SCNN1B: variants seen among roughly 807,000 people sequenced by gnomAD.
SCNN1B encodes the protein epithelial sodium channel subunit beta.
In SCNN1B, 46 loss-of-function variants were observed where a neutral mutation model predicts 65.3. The observed-to-expected ratio is 0.70, with a 90% CI of 0.56 to 0.90. The LOEUF (loss-of-function observed/expected upper bound fraction) is 0.90. Among genes scored for constraint, SCNN1B ranks in the 40% least tolerant of loss-of-function variants. The pLI, the probability that SCNN1B is intolerant of heterozygous loss-of-function variation, is 0.00. For synonymous variants in SCNN1B, 349 were observed against 330.6 expected (o/e 1.06, Z -0.60); for missense variants, 751 against 830.5 (o/e 0.90, Z 1.18).
intron 1 of SCNN1B, among the ~76,000 whole-genome samples, chr16:23,345,814 C>T (rs1439766695): frequency 3.9e-5 from 6 of 152,164 alleles, no homozygotes; most frequent in Non-Finnish European, 8.8e-5. Flanking sequence ...CAGCATGGTG[C>T]CCCCAGAAGG....
In SCNN1B at chr16:23,371,815, A is replaced by T. The variant is rs770754286; in HGVS notation, c.1084A>T (p.Thr362Ser). 2 of 1,614,236 alleles carry T rather than the reference A, an allele frequency of 1.2e-6. No homozygotes were observed. Among genetic ancestry groups the T allele is most frequent in the Non-Finnish European group, 1.7e-6 (2 of 1,180,018 alleles). ...QRMGEPYSPC[T>S]VNGSEVPVQN... The stretch of plus-strand genomic sequence containing the variant: ...CATGGGGGAGCCCTACAGCCCGTGC[A>T]CCGTGAATGGTTCTGAGGTCCCCGT... Residue 362 changes from threonine (T) to serine (S), a missense_variant, in exon 7 of 13, where the codon ACC (threonine) becomes TCC (serine). Transcript: ENST00000343070.
intron 1 of SCNN1B, among the ~76,000 whole-genome samples, chr16:23,318,760 C>T (rs541166866): frequency 1.3e-5 from 2 of 152,184 alleles, no homozygotes; most frequent in Non-Finnish European, 2.9e-5. Flanking sequence ...TCACTAAGGG[C>T]CAACGAAATT....
rs72654355 is a variant in SCNN1B, at chr16:23,380,628, G to A, written c.1750G>A (p.Ala584Thr). The A allele has an allele frequency of 2.3e-5, 37 of 1,613,642 alleles. No homozygotes were observed. The African/African-American group carries it at 4.1e-4, about 18-fold the overall frequency. ...PPPTVAELVE[A>T]HTNFGFQPDT... ...GCCCACCGTGGCCGAGCTGGTGGAGGCCCACACCAACTTTGGCTTCCAGCC... is the reference window on the plus strand; with the variant it reads ...GCCCACCGTGGCCGAGCTGGTGGAGACCCACACCAACTTTGGCTTCCAGCC... Residue 584 changes from alanine (A) to threonine (T), a missense_variant, in exon 13 of 13, where the codon GCC becomes ACC. Physicochemically the swap from Ala to Thr is moderately conservative, Grantham distance 58. Transcript: ENST00000343070. This position sits in a 1 kb window ranked among gnomAD's most constrained non-coding sequence, Gnocchi z 5.4.
intron 2 of SCNN1B, among the ~76,000 whole-genome samples, chr16:23,351,483 C>T (rs181677639): frequency 6.6e-6 from 1 of 152,316 alleles, no homozygotes. Flanking sequence ...CGCCACCCTT[C>T]CCCATCCTCC....
At chr16:23,334,365 T>C (rs1430033323) in intron 1 of SCNN1B, among the ~76,000 whole-genome samples, 3 of 152,228 alleles carry the variant, frequency 2.0e-5, no homozygotes, top group Admixed American at 1.3e-4. Flanking sequence ...AAACCAGTGC[T>C]TTCCAGCCTT....
intron 2 of SCNN1B, among the ~76,000 whole-genome samples, chr16:23,284,479 C>T (rs535891673): frequency 6.6e-6 from 1 of 152,234 alleles, no homozygotes; most frequent in South Asian, 2.1e-4. Flanking sequence ...TAAGATCAAA[C>T]AGGTCAACAA....
At chr16:23,301,950 C>T (rs1961092464), upstream of SCNN1B, among the ~76,000 whole-genome samples, 1 of 152,088 alleles carries the variant, frequency 6.6e-6, no homozygotes, top group South Asian at 2.1e-4. Flanking sequence ...GATGCTTCGC[C>T]TAGGTGAACG....
intron 2 of SCNN1B, among the ~76,000 whole-genome samples, chr16:23,286,485 G>A (rs1272073797): frequency 6.6e-6 from 1 of 152,254 alleles, no homozygotes; most frequent in African/African-American, 2.4e-5. Context: ...CTTCGCTAAT[G>A]AGACAGCCTT....
rs1963014848 is a variant in SCNN1B at position 23,380,317 on chromosome 16, C to T, written c.1543-104C>T. On this transcript the variant is annotated intron_variant, in intron 12 of 12. Coordinates refer to ENST00000343070, the MANE Select transcript of SCNN1B (RefSeq NM_000336.3). The surrounding 1 kb of genome is among the most constrained non-coding windows in gnomAD (Gnocchi z 5.4). The stretch of plus-strand genomic sequence containing the variant: ...TATTCCCCTGGGCCAAGATGGTCAC[C>T]CCCTCCCGTTCCCACCCAAGAATCA... The T allele has an allele frequency of 1.3e-6, 2 of 1,578,366 alleles. No homozygotes were observed. The highest frequency in any genetic ancestry group is 1.7e-6 in the Non-Finnish European group (2 of 1,150,608).
At chr16:23,352,037 T>C (rs1557669) in intron 2 of SCNN1B, among the ~76,000 whole-genome samples, 8,747 of 152,290 alleles carry the variant, frequency 0.057, 861 homozygotes, top group African/African-American at 0.2. Context: ...GGTAACAGAC[T>C]TGTGGCAAAC....
rs1315403055 is a variant in SCNN1B, at chr16:23,380,675, C to T, written c.1797C>T (p.Pro599=). The change falls in exon 13 of 13, where the codon CCC becomes CCT. Residue 599 remains proline (P), a synonymous_variant. Coordinates refer to ENST00000343070, the MANE Select transcript of SCNN1B (RefSeq NM_000336.3). This position sits in a 1 kb window ranked among gnomAD's most constrained non-coding sequence, Gnocchi z 5.4. ...GFQPDTAPRS[P]NTGPYPSEQA... is the part of the protein sequence containing the mutation. ...AGCCTGACACGGCCCCCCGCAGCCCCAACACTGGGCCCTACCCCAGTGAGC... is the reference window on the plus strand; with the variant it reads ...AGCCTGACACGGCCCCCCGCAGCCCTAACACTGGGCCCTACCCCAGTGAGC... 69 of 1,612,552 alleles carry T rather than the reference C, an allele frequency of 4.3e-5. No individual in the cohort carries two copies. The highest frequency in any genetic ancestry group is 5.6e-5 in the Non-Finnish European group (66 of 1,179,464).
chr16:23,371,663 G>C (rs1202794586), intron 6 of SCNN1B, 113 bp from the exon 7 acceptor site: 2 of 992,764 alleles, frequency 2.0e-6, no homozygotes, highest in Non-Finnish European at 1.5e-6. Flanking sequence ...CGCCCCCCCT[G>C]GCACCTGCAG....
chr16:23,371,644 C>A (rs1962787259), intron 6 of SCNN1B, 132 bp from the exon 7 acceptor site: 1 of 998,492 alleles, frequency 1.0e-6, no homozygotes, highest in Non-Finnish European at 1.6e-6. Flanking sequence ...CCTCTGGCGC[C>A]CCCTCTGGCG....
Position 23,302,425 on chromosome 16 carries a change from G to A in SCNN1B, c.-21G>A. 1 of 157,262 alleles carries A rather than the reference G, an allele frequency of 6.4e-6. No individual in the cohort carries two copies. Among genetic ancestry groups the A allele is most frequent in the Non-Finnish European group, 1.4e-5 (1 of 71,356 alleles). 9.7% of individuals were successfully genotyped at this position (157,262 alleles called of 1,614,324 possible). The stretch of plus-strand genomic sequence containing the variant: ...CGCGCATCCTCCGTGTCCCCGCTCC[G>A]CCGCCCGAGCAGGTATGACGGCGAA... On this transcript the variant is annotated 5_prime_UTR_variant, in exon 1 of 13. Transcript: ENST00000343070.
chr16:23,324,161 C>G (rs140207113), intron 1 of SCNN1B, among the ~76,000 whole-genome samples: 1,956 of 151,908 alleles, frequency 0.013, 18 homozygotes, highest in Non-Finnish European at 0.021. Context: ...GAAGATGCCA[C>G]CCAAGTCTGT....
intron 9 of SCNN1B, 38 bp from the exon 10 acceptor site, chr16:23,377,291 C>T: frequency 6.2e-7 from 1 of 1,614,132 alleles, no homozygotes; most frequent in Middle Eastern, 1.6e-4. Context: ...AGGGGCATCA[C>T]TGGCAGGGAC....
chr16:23,306,024 C>T (rs555250331), intron 1 of SCNN1B, among the ~76,000 whole-genome samples: 1 of 152,108 alleles, frequency 6.6e-6, no homozygotes, highest in Non-Finnish European at 1.5e-5. Flanking sequence ...GGGTGGATCA[C>T]CTGAGTTCAG....
At chr16:23,297,664 G>A (rs1280066473), upstream of SCNN1B, among the ~76,000 whole-genome samples, 1 of 152,192 alleles carries the variant, frequency 6.6e-6, no homozygotes, top group Non-Finnish European at 1.5e-5. Context: ...CTTGAATAGA[G>A]TTTCACCAAC....
In SCNN1B at chr16:23,304,149, A is replaced by C. The variant is rs757504735; in HGVS notation, c.-9+1712A>C. The C allele has an allele frequency of 5.0e-6, 7 of 1,408,724 alleles. No individual in the cohort carries two copies. The South Asian group carries it at 7.4e-5, about 15-fold the overall frequency. 87.3% of individuals were successfully genotyped at this position (1,408,724 alleles called of 1,614,324 possible). A position where few individuals can be genotyped will look rare whatever the true frequency, so the allele number is the denominator to read the frequency against. ...TCTATAAATTGTTATCTCTGGGTTAAGTTCAATTTATTTTTCTTTATCCTA... is the reference window on the plus strand; with the variant it reads ...TCTATAAATTGTTATCTCTGGGTTACGTTCAATTTATTTTTCTTTATCCTA... On this transcript the variant is annotated intron_variant, in intron 1 of 12. Coordinates refer to ENST00000343070, the MANE Select transcript of SCNN1B (RefSeq NM_000336.3).
Sources: gnomAD v4.1 joint callset for allele counts (sites outside exome capture counted in the v4.1 genomes callset) on GRCh38, gnomAD v4.1.1 for gene constraint, Gnocchi (gnomAD v3.1) non-coding constraint, MANE v1.5 for transcripts, NCBI Gene and HGNC (gene_info 2026-07-23, HGNC 2026-07-21) for gene names.